ZC3H12B: variants seen among roughly 807,000 people sequenced by gnomAD.
The protein encoded by ZC3H12B is zinc finger CCCH-type containing 12B.
ZC3H12B carries 7 observed loss-of-function variants against 43.9 expected under a neutral mutation model. That is an observed-to-expected ratio of 0.16 (90% CI 0.09 to 0.30). The LOEUF (loss-of-function observed/expected upper bound fraction) is 0.30, where lower values mean the gene tolerates loss of function less well. Ranked by LOEUF, ZC3H12B falls within the 10% of genes least tolerant of loss-of-function variation. The pLI is 1.00. For synonymous variants in ZC3H12B, 222 were observed against 241.7 expected (o/e 0.92, Z 0.76); for missense variants, 475 against 670.2 (o/e 0.71, Z 3.22).
intron 2 of ZC3H12B, among the ~76,000 whole-genome samples, chrX:65,389,590 A>T (rs764987332): frequency 1.2e-4 from 13 of 112,825 alleles, no homozygotes; most frequent in Admixed American, 4.7e-4. Flanking sequence ...TTCCCAGGTG[A>T]GGCGATGCCT....
rs1472015444 is a variant in ZC3H12B, at chrX:65,430,192, C to A, written n.407+31488C>A. 2.7e-5 allele frequency among the ~76,000 whole-genome samples: 3 copies of A among 111,456 alleles called. No homozygotes were observed. In the Admixed American group the frequency reaches 2.8e-4, roughly 11 times the overall value. The stretch of plus-strand genomic sequence containing the variant: ...TCATGGGTCTCTGTGTGTGCCTGAG[C>A]AGCTGCTCTGCCAAGAGTCCACACA... On this transcript the variant is annotated intron_variant and non_coding_transcript_variant, in intron 3 of 5. Transcript: ENST00000617377.
chrX:65,406,865 G>T (rs1354165175), intron 3 of ZC3H12B, among the ~76,000 whole-genome samples: 2 of 112,527 alleles, frequency 1.8e-5, no homozygotes, highest in Non-Finnish European at 3.8e-5. Context: ...CCGTCGTCCC[G>T]CGGCGACCAA....
the ZC3H12B span, among the ~76,000 whole-genome samples, chrX:65,321,629 G>A: frequency 1.3e-4 from 14 of 109,748 alleles, no homozygotes; most frequent in African/African-American, 4.0e-4. Flanking sequence ...TTTCACAATA[G>A]CAGAGACGTG....
At chrX:65,084,211 G>A in the ZC3H12B span, among the ~76,000 whole-genome samples, 1 of 111,710 alleles carries the variant, frequency 9.0e-6, no homozygotes, top group Non-Finnish European at 1.9e-5. Flanking sequence ...AAGATTTTTT[G>A]AGCAGTACTC....
the ZC3H12B span, among the ~76,000 whole-genome samples, chrX:65,199,111 T>C: frequency 1.8e-4 from 20 of 109,152 alleles, no homozygotes; most frequent in Non-Finnish European, 3.8e-5. Context: ...CAATAACTTT[T>C]AGATTTGCCC....
intron 2 of ZC3H12B, among the ~76,000 whole-genome samples, chrX:65,376,233 C>A (rs1602339871): frequency 8.9e-6 from 1 of 112,202 alleles, no homozygotes; most frequent in East Asian, 2.8e-4. Flanking sequence ...GAAAGCATCT[C>A]ATTGAGCACC....
intron 1 of ZC3H12B, among the ~76,000 whole-genome samples, 184 bp from the exon 7 acceptor site, chrX:65,496,948 C>CAAAAAAAAAA (rs373400545): frequency 9.8e-5 from 4 of 40,807 alleles, no homozygotes; most frequent in Admixed American, 3.2e-4. Context: ...AAAGTGAGAC[C>CAAAAAAAAAA]AAAAAAAAAA....
the ZC3H12B span, among the ~76,000 whole-genome samples, chrX:65,213,060 C>T: frequency 9.2e-6 from 1 of 108,415 alleles, no homozygotes; most frequent in South Asian, 3.9e-4. Context: ...TCTCCACCTC[C>T]CCATATTATA....
chrX:65,315,903 T>A, the ZC3H12B span, among the ~76,000 whole-genome samples: 3 of 111,004 alleles, frequency 2.7e-5, no homozygotes, highest in African/African-American at 9.8e-5. Context: ...CAAAACCCAA[T>A]CCAATGAACT....
chrX:65,375,867 G>A (rs1348560607), intron 2 of ZC3H12B, among the ~76,000 whole-genome samples: 2 of 111,586 alleles, frequency 1.8e-5, no homozygotes, highest in African/African-American at 3.3e-5. Context: ...CATATTTTCA[G>A]CTGTGATAGC....
At chrX:65,205,406 A>G in the ZC3H12B span, among the ~76,000 whole-genome samples, 2 of 111,882 alleles carry the variant, frequency 1.8e-5, no homozygotes, top group Admixed American at 1.9e-4. Flanking sequence ...TACACAACAT[A>G]AATAGAATTA....
At chrX:65,078,824 G>T in the ZC3H12B span, among the ~76,000 whole-genome samples, 2 of 111,628 alleles carry the variant, frequency 1.8e-5, no homozygotes, top group African/African-American at 6.5e-5. Flanking sequence ...GTCACATCAT[G>T]GAAAATAGGT....
At chrX:65,381,225 TA>T (rs2066434374) in intron 2 of ZC3H12B, among the ~76,000 whole-genome samples, 2 of 111,366 alleles carry the variant, frequency 1.8e-5, no homozygotes, top group Non-Finnish European at 3.8e-5. Flanking sequence ...TCAGCACACG[TA>T]AAAGAACAGA....
At chrX:65,327,474 C>G in the ZC3H12B span, among the ~76,000 whole-genome samples, 7 of 111,140 alleles carry the variant, frequency 6.3e-5, no homozygotes, top group African/African-American at 2.3e-4. Context: ...AACCACGAAA[C>G]AAGCCACCAT....
At chrX:65,461,520 C>T (rs2067746679) in intron 3 of ZC3H12B, among the ~76,000 whole-genome samples, 1 of 111,777 alleles carries the variant, frequency 8.9e-6, no homozygotes, top group Admixed American at 9.5e-5. Context: ...TACTATGCAC[C>T]CATAAAAAAG....
At chrX:65,449,913 C>T (rs1042041401) in intron 3 of ZC3H12B, among the ~76,000 whole-genome samples, 3 of 111,431 alleles carry the variant, frequency 2.7e-5, no homozygotes, top group African/African-American at 9.8e-5. Flanking sequence ...ATTTACACTA[C>T]TCAGGTGATC....
the ZC3H12B span, among the ~76,000 whole-genome samples, chrX:65,284,251 C>CAAA: frequency 1.6e-3 from 111 of 67,904 alleles, 2 homozygotes; most frequent in East Asian, 0.04. Flanking sequence ...CACACACACA[C>CAAA]AAAAAAAAAA....
At chrX:65,194,083 C>A in the ZC3H12B span, among the ~76,000 whole-genome samples, 10 of 109,753 alleles carry the variant, frequency 9.1e-5, no homozygotes, top group East Asian at 2.9e-3. Context: ...AATGCAGCCC[C>A]ATGATCCTAT....
At chrX:65,099,393 C>T in the ZC3H12B span, among the ~76,000 whole-genome samples, 1 of 111,538 alleles carries the variant, frequency 9.0e-6, no homozygotes, top group African/African-American at 3.3e-5. Context: ...GGACAGACTG[C>T]ATTCTCAAGT....
Sources: gnomAD v4.1 joint callset for allele counts (sites outside exome capture counted in the v4.1 genomes callset) on GRCh38, gnomAD v4.1.1 for gene constraint, MANE v1.5 for transcripts, NCBI Gene and HGNC (gene_info 2026-07-23, HGNC 2026-07-21) for gene names.